PCDHGA8: variants seen among roughly 807,000 people sequenced by gnomAD.
PCDHGA8 encodes the protein protocadherin gamma-A8.
Under a neutral mutation model 59.2 loss-of-function variants are expected in PCDHGA8, and 45 were observed. The observed-to-expected ratio is 0.76, with a 90% CI of 0.60 to 0.98. The LOEUF (loss-of-function observed/expected upper bound fraction) is 0.98. PCDHGA8 is among the 50% of genes least tolerant of loss of function. The pLI is 0.00. For missense variants in PCDHGA8, 1,257 were observed against 1,196.2 expected, an observed-to-expected ratio of 1.05 and a Z score of -0.75; for synonymous variants, 531 against 519.0, an observed-to-expected ratio of 1.02 and a Z score of -0.32.
intron 1 of PCDHGA8, chr5:141,395,523 C>A: frequency 7.5e-6 from 3 of 400,150 alleles, no homozygotes; most frequent in Non-Finnish European, 1.3e-5. Flanking sequence ...CCCGTCCATA[C>A]TGGTAATTTT....
At chr5:141,467,736 G>T (rs1435480730) in intron 1 of PCDHGA8, among the ~76,000 whole-genome samples, 1 of 151,902 alleles carries the variant, frequency 6.6e-6, no homozygotes, top group Admixed American at 6.6e-5. Context: ...ATCCCAGCTC[G>T]CTGCAACCTC....
At position 141,485,704 on chromosome 5, in the gene PCDHGA8, CTT is replaced by C; in HGVS notation, c.2425-9101_2425-9100del. On this transcript the variant is annotated intron_variant, in intron 1 of 3. Coordinates refer to ENST00000398604, the MANE Select transcript of PCDHGA8 (RefSeq NM_032088.2). The surrounding 1 kb of genome is among the most constrained non-coding windows in gnomAD (Gnocchi z 5.7). ...GCTATAGGCTGAGCTCCAATGAACA[CTT>C]TGCACTGGATGTGAAGAAGCGCAGC... is the stretch of plus-strand genomic sequence containing the variant. 6.2e-7 allele frequency: 1 copy of C among 1,614,180 alleles called. No homozygotes were observed. The highest frequency in any genetic ancestry group is 8.5e-7 in the Non-Finnish European group (1 of 1,180,032).
intron 1 of PCDHGA8, among the ~76,000 whole-genome samples, chr5:141,454,420 T>C (rs889393211): frequency 6.6e-6 from 1 of 152,218 alleles, no homozygotes; most frequent in African/African-American, 2.4e-5. Context: ...TATTTATTTA[T>C]TTAGAGACAG....
chr5:141,428,376 A>G (rs2097136159), intron 1 of PCDHGA8: 2 of 528,068 alleles, frequency 3.8e-6, no homozygotes, highest in African/African-American at 1.9e-5. Flanking sequence ...TGCACCTGCG[A>G]TGCTCTTCCA....
At chr5:141,457,125 C>T (rs1011977795) in intron 1 of PCDHGA8, among the ~76,000 whole-genome samples, 3 of 152,236 alleles carry the variant, frequency 2.0e-5, no homozygotes, top group Admixed American at 6.5e-5. Flanking sequence ...GCAATGGAAA[C>T]TCTGTCCAAT....
At chr5:141,456,309 A>T (rs1305324857) in intron 1 of PCDHGA8, among the ~76,000 whole-genome samples, 1 of 152,138 alleles carries the variant, frequency 6.6e-6, no homozygotes, top group Non-Finnish European at 1.5e-5. Flanking sequence ...AACAGCAGCT[A>T]GGGCTCCTCC....
At chr5:141,408,714 A>G (rs771519650) in intron 1 of PCDHGA8, 8 of 1,612,346 alleles carry the variant, frequency 5.0e-6, no homozygotes, top group Non-Finnish European at 6.8e-6. Context: ...AAAGATTATA[A>G]GATAAACTCT....
rs13436338 is a variant in PCDHGA8, at chr5:141,468,261, G to A, written c.2425-26546G>A. On this transcript the variant is annotated intron_variant, in intron 1 of 3. Coordinates refer to ENST00000398604, the MANE Select transcript of PCDHGA8 (RefSeq NM_032088.2). ...AATTGCCTGAACCTGGGAGGCAGAG[G>A]TTGTGGTGAGCCGAGACCACGCCAT... Among the ~76,000 whole-genome samples, 391 of 149,216 alleles carry A rather than the reference G, an allele frequency of 2.6e-3. 2 individuals are homozygous for A. Among genetic ancestry groups the A allele is most frequent in the African/African-American group, 9.3e-3 (377 of 40,498 alleles).
At chr5:141,402,946 G>A (rs1012771364) in intron 1 of PCDHGA8, 1 of 1,592,686 alleles carries the variant, frequency 6.3e-7, no homozygotes, top group African/African-American at 1.4e-5. Flanking sequence ...TCCAAAGCGA[G>A]GCAGCAATGG....
intron 1 of PCDHGA8, chr5:141,404,364 T>A (rs1353392173): frequency 2.5e-6 from 4 of 1,613,962 alleles, no homozygotes; most frequent in Non-Finnish European, 3.4e-6. Context: ...GGTACTTCCA[T>A]CTTCTCCGTG....
intron 2 of PCDHGA8, among the ~76,000 whole-genome samples, chr5:141,502,829 C>A (rs1034808123): frequency 2.0e-5 from 3 of 150,428 alleles, no homozygotes; most frequent in African/African-American, 7.4e-5. Context: ...CTTGGGGAAG[C>A]CTGGACTGGC....
chr5:141,409,748 G>A (rs2095311209), intron 1 of PCDHGA8: 1 of 1,613,018 alleles, frequency 6.2e-7, no homozygotes, highest in Non-Finnish European at 8.5e-7. Context: ...GGTGGTGTTC[G>A]CGCAGCGCGC....
chr5:141,395,200 A>G lies in PCDHGA8; in HGVS notation c.2387A>G (p.Asp796Gly). ...EKNDSLLTSV[D>G]FHEYKNEADH... ...AATGATTCTTTGTTAACATCCGTAG[A>G]TTTTCATGAATATAAGAATGAAGCT... Residue 796 changes from aspartate (D) to glycine (G), a missense_variant, in exon 1 of 4, where the codon GAT becomes GGT. Transcript: ENST00000398604. 1 of 1,613,768 alleles carries G rather than the reference A, an allele frequency of 6.2e-7. No individual in the cohort carries two copies. The highest frequency in any genetic ancestry group is 8.5e-7 in the Non-Finnish European group (1 of 1,179,798).
intron 1 of PCDHGA8, among the ~76,000 whole-genome samples, chr5:141,483,652 G>A (rs746306843): frequency 2.0e-5 from 3 of 151,916 alleles, no homozygotes; most frequent in Non-Finnish European, 4.4e-5. Context: ...GTGTGTTTGT[G>A]TGTGTGTGTG....
At chr5:141,433,343 G>A (rs1591274674) in intron 1 of PCDHGA8, 1 of 630,308 alleles carries the variant, frequency 1.6e-6, no homozygotes, top group Admixed American at 3.0e-5. Flanking sequence ...ACAGGTGCAA[G>A]CCACCTACTG....
At chr5:141,499,356 C>A (rs1472104991) in intron 2 of PCDHGA8, among the ~76,000 whole-genome samples, 1 of 152,062 alleles carries the variant, frequency 6.6e-6, no homozygotes, top group Non-Finnish European at 1.5e-5. Context: ...ATTCAACAAA[C>A]AAATAGCAAC....
chr5:141,452,584 T>C (rs992607928), intron 1 of PCDHGA8, among the ~76,000 whole-genome samples: 1 of 152,182 alleles, frequency 6.6e-6, no homozygotes, highest in Non-Finnish European at 1.5e-5. Context: ...TTTCCATCTT[T>C]GTATTTTTAT....
chr5:141,485,887 C>T lies in PCDHGA8; in HGVS notation c.2425-8920C>T. 1 of 1,614,098 alleles carries T rather than the reference C, an allele frequency of 6.2e-7. No homozygotes were observed. On this transcript the variant is annotated intron_variant, in intron 1 of 3. Transcript: ENST00000398604. The surrounding 1 kb of genome is among the most constrained non-coding windows in gnomAD (Gnocchi z 5.7). ...TATCCGTGCTGGACGTAAACGACAA[C>T]GCCCCAGCCTTCCAGCAATCCAGCT...
intron 1 of PCDHGA8, among the ~76,000 whole-genome samples, chr5:141,447,978 C>T (rs759162070): frequency 1.1e-4 from 17 of 151,694 alleles, no homozygotes; most frequent in East Asian, 3.9e-4. Flanking sequence ...CCCAGCTACT[C>T]GGGAGGCTGA....
Sources: allele counts gnomAD v4.1 joint callset (sites outside exome capture counted in the v4.1 genomes callset), GRCh38; gene constraint gnomAD v4.1.1; non-coding constraint Gnocchi (gnomAD v3.1); transcripts MANE v1.5; gene names NCBI Gene and HGNC (gene_info 2026-07-23, HGNC 2026-07-21).